MYO3B: variants seen among roughly 807,000 people sequenced by gnomAD.
MYO3B encodes myosin-IIIb.
MYO3B carries 156 observed loss-of-function variants against 174.6 expected under a neutral mutation model. That is an observed-to-expected ratio of 0.89 (90% CI 0.78 to 1.02). The LOEUF (loss-of-function observed/expected upper bound fraction) is 1.02, where lower values mean the gene tolerates loss of function less well. MYO3B is among the 50% of genes least tolerant of loss of function. MYO3B has a pLI of 0.00. For missense variants in MYO3B, 1,632 were observed against 1,639.4 expected, an observed-to-expected ratio of 1.00 and a Z score of 0.08; for synonymous variants, 563 against 569.1, an observed-to-expected ratio of 0.99 and a Z score of 0.15.
At chr2:170,533,520 A>G (rs1689489397) in intron 30 of MYO3B, among the ~76,000 whole-genome samples, 3 of 152,148 alleles carry the variant, frequency 2.0e-5, no homozygotes. Context: ...TTTCTCTACA[A>G]GTCTATGCCT....
chr2:170,514,365 T>C (rs1382154792), intron 28 of MYO3B, among the ~76,000 whole-genome samples: 1 of 152,156 alleles, frequency 6.6e-6, no homozygotes, highest in Non-Finnish European at 1.5e-5. Flanking sequence ...CAAGTGAATA[T>C]AGTATGTAGT....
At chr2:170,641,159 G>A (rs1697917309) in intron 32 of MYO3B, 1 of 152,348 alleles carries the variant, frequency 6.6e-6, no homozygotes, top group East Asian at 1.9e-4. Flanking sequence ...TCCAACTGAA[G>A]AGGAATCCTG....
At chr2:170,484,188 T>C (rs1383581218) in intron 25 of MYO3B, among the ~76,000 whole-genome samples, 1 of 152,210 alleles carries the variant, frequency 6.6e-6, no homozygotes, top group Non-Finnish European at 1.5e-5. Flanking sequence ...GTATATCATC[T>C]CACTTAACAC....
intron 8 of MYO3B, chr2:170,341,328 GCA>G (rs2093975522): frequency 6.6e-6 from 1 of 152,178 alleles, no homozygotes; most frequent in Admixed American, 6.5e-5. Flanking sequence ...CAACACACTT[GCA>G]GTGATAAATA....
intron 30 of MYO3B, among the ~76,000 whole-genome samples, chr2:170,530,406 C>T (rs936991742): frequency 2.0e-5 from 3 of 152,196 alleles, no homozygotes; most frequent in Non-Finnish European, 2.9e-5. Context: ...AGCCAGTGCT[C>T]CTGGCCAGCT....
At chr2:170,433,221 C>T (rs2094725714) in intron 22 of MYO3B, among the ~76,000 whole-genome samples, 2 of 151,766 alleles carry the variant, frequency 1.3e-5, no homozygotes, top group African/African-American at 4.8e-5. Flanking sequence ...GGTTTTTAGC[C>T]TAGAAGAAAT....
At position 170,185,734 on chromosome 2, in the gene MYO3B, A is replaced by C. The variant is rs191330974; in HGVS notation, c.2+7445A>C. 3.1e-3 allele frequency among the ~76,000 whole-genome samples: 469 copies of C among 152,262 alleles called. 2 individuals carry two copies. Among genetic ancestry groups the C allele is most frequent in the African/African-American group, 0.01 (431 of 41,568 alleles). ...ATTGAATCTGTAGATTGCTTTGGGT[A>C]GTATGGACGTTTTAACAATATTGCT... is the stretch of plus-strand genomic sequence containing the variant. On this transcript the variant is annotated intron_variant, in intron 1 of 34. Coordinates refer to ENST00000408978, the MANE Select transcript of MYO3B (RefSeq NM_138995.5).
rs1442317964 is a variant in MYO3B, at chr2:170,214,418, C to T, written c.361C>T (p.Leu121=). 1.2e-6 allele frequency: 2 copies of T among 1,614,130 alleles called. No homozygotes were observed. Among genetic ancestry groups the T allele is most frequent in the Admixed American group, 1.7e-5 (1 of 60,026 alleles). The change falls in exon 4 of 35, where the codon CTA becomes TTA. Residue 121 remains leucine (L), a synonymous_variant. Transcript: ENST00000408978. ...GGSVTELVKG[L]LRCGQRLDEA... ...CTCAGTCACTGAGCTTGTCAAAGGT[C>T]TACTCAGATGTGGCCAGCGGTTGGA...
At chr2:170,581,083 CAG>C (rs1292275507) in intron 32 of MYO3B, among the ~76,000 whole-genome samples, 3 of 152,176 alleles carry the variant, frequency 2.0e-5, no homozygotes, top group Non-Finnish European at 4.4e-5. Context: ...ATCTACCATT[CAG>C]AATATTGCCA....
chr2:170,270,688 T>C (rs2093419238), intron 7 of MYO3B, among the ~76,000 whole-genome samples: 1 of 152,154 alleles, frequency 6.6e-6, no homozygotes, highest in Non-Finnish European at 1.5e-5. Flanking sequence ...TTTTCTATGT[T>C]TCCTCCAACG....
chr2:170,647,757 A>G (rs1386655083), intron 32 of MYO3B, among the ~76,000 whole-genome samples: 1 of 152,212 alleles, frequency 6.6e-6, no homozygotes, highest in Non-Finnish European at 1.5e-5. Context: ...GAATCAGGAA[A>G]AAAATAAAAG....
At chr2:170,373,008 T>C (rs2105701536) in intron 9 of MYO3B, among the ~76,000 whole-genome samples, 1 of 152,220 alleles carries the variant, frequency 6.6e-6, no homozygotes, top group South Asian at 2.1e-4. Flanking sequence ...CCTAAGGAGC[T>C]TGAATTTGTT....
chr2:170,391,100 C>T (rs1327391765), intron 14 of MYO3B, among the ~76,000 whole-genome samples: 1 of 152,048 alleles, frequency 6.6e-6, no homozygotes, highest in Non-Finnish European at 1.5e-5. Context: ...AATTCTGCTC[C>T]CTAACCTGCT....
At chr2:170,470,586 G>A (rs901853401) in intron 25 of MYO3B, among the ~76,000 whole-genome samples, 1 of 152,098 alleles carries the variant, frequency 6.6e-6, no homozygotes, top group Non-Finnish European at 1.5e-5. Flanking sequence ...CTTTTAATGT[G>A]GACATATGTT....
intron 28 of MYO3B, among the ~76,000 whole-genome samples, chr2:170,507,918 A>G (rs1687716868): frequency 6.6e-6 from 1 of 152,224 alleles, no homozygotes; most frequent in African/African-American, 2.4e-5. Flanking sequence ...TTGTCATGGC[A>G]TAGCTTGGAA....
At chr2:170,326,916 C>G (rs2093872486) in intron 7 of MYO3B, among the ~76,000 whole-genome samples, 1 of 152,166 alleles carries the variant, frequency 6.6e-6, no homozygotes, top group East Asian at 1.9e-4. Context: ...TGGTGCTGGG[C>G]TGGAAAGCCA....
At chr2:170,227,753 C>T (rs2092967647) in intron 6 of MYO3B, among the ~76,000 whole-genome samples, 1 of 152,190 alleles carries the variant, frequency 6.6e-6, no homozygotes, top group East Asian at 1.9e-4. Context: ...CTTTCAGATA[C>T]TCTGATTGAT....
intron 22 of MYO3B, among the ~76,000 whole-genome samples, chr2:170,411,007 AC>A (rs5836276): frequency 0.95 from 144,606 of 152,086 alleles, 69,111 homozygotes; most frequent in East Asian, 1. Context: ...ACACAGTGAC[AC>A]CCCCCATCTC....
At chr2:170,207,703 G>C (rs979579587) in intron 3 of MYO3B, among the ~76,000 whole-genome samples, 2 of 151,290 alleles carry the variant, frequency 1.3e-5, no homozygotes, top group Admixed American at 6.6e-5. Context: ...CAAAGGATTA[G>C]TCTAAAGTGC....
Sources: gnomAD v4.1 joint callset for allele counts (sites outside exome capture counted in the v4.1 genomes callset) on GRCh38, gnomAD v4.1.1 for gene constraint, MANE v1.5 for transcripts, NCBI Gene and HGNC (gene_info 2026-07-23, HGNC 2026-07-21) for gene names.